The following LRBA variants were observed in gnomAD, a reference collection of about 807,000 sequenced individuals.
LRBA encodes lipopolysaccharide-responsive and beige-like anchor protein.
A neutral mutation model predicts 330.0 loss-of-function variants in LRBA; 176 were observed. The ratio of observed to expected loss-of-function variants is 0.53; its 90% CI spans 0.47 to 0.60. The LOEUF is 0.60. LRBA is among the 20% of genes least tolerant of loss of function. The pLI is 0.00. For synonymous variants in LRBA, 1,230 were observed against 1,193.0 expected, an observed-to-expected ratio of 1.03 and a Z score of -0.64; for missense variants, 3,259 against 3,444.8, an observed-to-expected ratio of 0.95 and a Z score of 1.35.
At chr4:150,386,558 G>A (rs1265072313) in intron 47 of LRBA, among the ~76,000 whole-genome samples, 1 of 151,774 alleles carries the variant, frequency 6.6e-6, no homozygotes, top group East Asian at 1.9e-4. Context: ...GAGGATAATG[G>A]CCTCCAGCTC....
intron 40 of LRBA, among the ~76,000 whole-genome samples, chr4:150,538,972 C>CA (rs1164024032): frequency 2.0e-5 from 3 of 151,558 alleles, no homozygotes; most frequent in Non-Finnish European, 2.9e-5. Flanking sequence ...GTTTTAAAAA[C>CA]CTTTAACTTT....
intron 37 of LRBA, among the ~76,000 whole-genome samples, chr4:150,675,081 G>T (rs1782416471): frequency 6.6e-6 from 1 of 152,024 alleles, no homozygotes; most frequent in Non-Finnish European, 1.5e-5. Context: ...GCCAGATGTG[G>T]CATGAGCCTC....
At chr4:150,587,458 T>G (rs1297194731) in intron 40 of LRBA, among the ~76,000 whole-genome samples, 2 of 152,216 alleles carry the variant, frequency 1.3e-5, no homozygotes, top group African/African-American at 4.8e-5. Context: ...CAAATGTTTC[T>G]TAGTAAAAAC....
At chr4:150,407,209 T>G (rs1238898370) in intron 47 of LRBA, among the ~76,000 whole-genome samples, 1 of 152,186 alleles carries the variant, frequency 6.6e-6, no homozygotes, top group African/African-American at 2.4e-5. Flanking sequence ...GAAGGCAATG[T>G]GAAGACACAG....
chr4:150,723,162 T>C (rs1560730670), intron 36 of LRBA, among the ~76,000 whole-genome samples: 1 of 152,126 alleles, frequency 6.6e-6, no homozygotes, highest in South Asian at 2.1e-4. Flanking sequence ...CTCCTAGTGC[T>C]GGGTTGGGCT....
intron 2 of LRBA, among the ~76,000 whole-genome samples, chr4:151,007,123 T>C (rs1744163157): frequency 6.6e-6 from 1 of 152,160 alleles, no homozygotes; most frequent in African/African-American, 2.4e-5. Flanking sequence ...AAGAATTGAG[T>C]CCAGATAAAT....
At chr4:150,279,377 T>G (rs1747218806) in intron 55 of LRBA, among the ~76,000 whole-genome samples, 1 of 152,230 alleles carries the variant, frequency 6.6e-6, no homozygotes, top group Non-Finnish European at 1.5e-5. Flanking sequence ...CAAATTTCCT[T>G]TCTTTAGTGG....
chr4:151,006,676 TATTA>T (rs1005642896), intron 2 of LRBA, among the ~76,000 whole-genome samples: 5 of 152,184 alleles, frequency 3.3e-5, no homozygotes, highest in African/African-American at 1.2e-4. Flanking sequence ...TTAGTTTTTC[TATTA>T]ATTCACAAAC....
At chr4:150,381,091 A>T (rs1939443405) in intron 47 of LRBA, among the ~76,000 whole-genome samples, 3 of 152,120 alleles carry the variant, frequency 2.0e-5, no homozygotes, top group Admixed American at 6.6e-5. Flanking sequence ...TCTCTCCATA[A>T]AGGCACTTAC....
In LRBA at chr4:150,955,073, G is replaced by C. The variant is rs778429388; in HGVS notation, c.217-26008C>G. On this transcript the variant is annotated intron_variant, in intron 2 of 56. Transcript: ENST00000651943. Reference sequence around the variant, plus strand: ...GGTGCATCACTTGAGCCCAGAGTTCGAGAATGGCCTGAGAAACATGGTGAA... The same window carrying C: ...GGTGCATCACTTGAGCCCAGAGTTCCAGAATGGCCTGAGAAACATGGTGAA... Among the ~76,000 whole-genome samples the C allele has an allele frequency of 1.3e-5, 2 of 148,582 alleles. 1 individual carries two copies. Among genetic ancestry groups the C allele is most frequent in the African/African-American group, 5.2e-5 (2 of 38,198 alleles).
chr4:150,438,660 G>A (rs1751444900), intron 44 of LRBA, among the ~76,000 whole-genome samples: 1 of 152,026 alleles, frequency 6.6e-6, no homozygotes, highest in East Asian at 1.9e-4. Flanking sequence ...AAAAATATTG[G>A]TTTAAAAGGG....
intron 49 of LRBA, among the ~76,000 whole-genome samples, chr4:150,324,133 C>T (rs757689752): frequency 6.6e-6 from 1 of 152,142 alleles, no homozygotes; most frequent in Non-Finnish European, 1.5e-5. Context: ...TTCTCACCCT[C>T]GGGATAGCAA....
rs1234111605 is a variant in LRBA at position 150,871,346 on chromosome 4, T to C, written c.2366A>G (p.Glu789Gly). The C allele has an allele frequency of 1.9e-6, 3 of 1,577,574 alleles. No homozygotes were observed. Among genetic ancestry groups the C allele is most frequent in the Non-Finnish European group, 2.6e-6 (3 of 1,149,394 alleles). The part of the protein sequence containing the change: ...ITMTTYNVLF[E>G]ILIEQIGTQV... ...AGTAAATCCTAAGTACATTCCTACC[T>C]CAAACAGCACATTATATGTGGTCAT... The change falls in exon 19 of 57, where the codon GAG (glutamate) becomes GGG (glycine). Residue 789 changes from glutamate (E) to glycine (G), a missense_variant and splice_region_variant. Coordinates refer to ENST00000651943, the MANE Select transcript of LRBA (RefSeq NM_001364905.1).
intron 17 of LRBA, among the ~76,000 whole-genome samples, chr4:150,874,073 T>C (rs1753737808): frequency 6.6e-6 from 1 of 152,196 alleles, no homozygotes; most frequent in Non-Finnish European, 1.5e-5. Context: ...GAAATATTAA[T>C]ATAATACCAG....
chr4:150,844,483 AAAC>A (rs144361814), intron 27 of LRBA, among the ~76,000 whole-genome samples, 172 bp downstream of exon 27: 4,218 of 152,258 alleles, frequency 0.028, 182 homozygotes, highest in African/African-American at 0.096. Context: ...GTTTAAATAT[AAAC>A]AAATCTTTAT....
chr4:150,437,517 A>G (rs952562202), intron 44 of LRBA, among the ~76,000 whole-genome samples: 3 of 148,434 alleles, frequency 2.0e-5, no homozygotes, highest in Non-Finnish European at 3.0e-5. Flanking sequence ...CTATATATAT[A>G]TATTATAAAA....
At chr4:150,796,632 G>A (rs1453747762) in intron 34 of LRBA, among the ~76,000 whole-genome samples, 2 of 151,756 alleles carry the variant, frequency 1.3e-5, no homozygotes, top group East Asian at 1.9e-4. Context: ...CTTTATCTTT[G>A]CAGCTCCTAA....
At chr4:150,636,449 A>T (rs1175391355) in intron 37 of LRBA, among the ~76,000 whole-genome samples, 1 of 152,034 alleles carries the variant, frequency 6.6e-6, no homozygotes, top group East Asian at 1.9e-4. Flanking sequence ...TCATTCTTTG[A>T]GCACTTCTTT....
intron 37 of LRBA, among the ~76,000 whole-genome samples, chr4:150,625,706 T>TAA (rs1283005460): frequency 1.8e-4 from 26 of 147,560 alleles, no homozygotes; most frequent in Non-Finnish European, 8.9e-5. Flanking sequence ...TATATATATA[T>TAA]AATTATTATT....
Sources: allele counts gnomAD v4.1 joint callset (sites outside exome capture counted in the v4.1 genomes callset), GRCh38; gene constraint gnomAD v4.1.1; transcripts MANE v1.5; gene names NCBI Gene and HGNC (gene_info 2026-07-23, HGNC 2026-07-21).